NIPAL1: variants seen among roughly 807,000 people sequenced by gnomAD.
The protein encoded by NIPAL1 is NIPA like domain containing 1.
A neutral mutation model predicts 37.7 loss-of-function variants in NIPAL1; 35 were observed. The observed-to-expected ratio is 0.93, with a 90% CI of 0.71 to 1.23. The LOEUF is 1.23. Among genes scored for constraint, NIPAL1 ranks in the 50% most tolerant of loss-of-function variants. NIPAL1 has a pLI of 0.00. For synonymous variants in NIPAL1, 162 were observed against 183.0 expected, an observed-to-expected ratio of 0.89 and a Z score of 0.93; for missense variants, 412 against 473.9, an observed-to-expected ratio of 0.87 and a Z score of 1.21.
At chr4:48,034,598 G>T (rs965605558) in intron 4 of NIPAL1, among the ~76,000 whole-genome samples, 8 of 152,206 alleles carry the variant, frequency 5.3e-5, no homozygotes, top group African/African-American at 1.9e-4. Context: ...TACAGGAAAA[G>T]ATGGGTAAAT....
In NIPAL1 at chr4:48,024,225, C is replaced by T. The variant is rs555841124; in HGVS notation, c.47-843C>T. Among the ~76,000 whole-genome samples the T allele has an allele frequency of 5.9e-5, 9 of 152,162 alleles. No individual in the cohort carries two copies. The East Asian group carries it at 9.7e-4, about 16-fold the overall frequency. On this transcript the variant is annotated intron_variant, in intron 1 of 5. Transcript: ENST00000295461. ...AACTCCTGATCTCAAGTGATCCACC[C>T]GCCTTGGCCACCCAAAGTGCTGGGA... is the stretch of plus-strand genomic sequence containing the variant.
intron 3 of NIPAL1, 32 bp from the exon 4 acceptor site, chr4:48,032,961 T>G (rs1470085540): frequency 6.5e-7 from 1 of 1,531,168 alleles, no homozygotes; most frequent in East Asian, 2.3e-5. Context: ...GTAAGCCCAT[T>G]TTTTATATCA....
Position 48,035,990 on chromosome 4 carries a change from A to G in NIPAL1, c.1051A>G (p.Ile351Val). 1 of 1,613,578 alleles carries G rather than the reference A, an allele frequency of 6.2e-7. No individual in the cohort carries two copies. The highest frequency in any genetic ancestry group is 1.3e-5 in the African/African-American group (1 of 75,012). Reference sequence around the variant, plus strand: ...TGGATTCTTCACTATTATCATTGGCATCTTCCTTCTACATGCTTTTAAAAA... The same window carrying G: ...TGGATTCTTCACTATTATCATTGGCGTCTTCCTTCTACATGCTTTTAAAAA... ...LSGFFTIIIG[I>V]FLLHAFKNTD... Residue 351 changes from isoleucine to valine, a missense_variant, in exon 6 of 6, where the codon ATC (isoleucine) becomes GTC (valine). By Grantham distance (29) the Ile-to-Val change is conservative. Transcript: ENST00000295461.
intron 2 of NIPAL1, among the ~76,000 whole-genome samples, chr4:48,029,785 C>T (rs568751744): frequency 6.6e-6 from 1 of 152,256 alleles, no homozygotes; most frequent in African/African-American, 2.4e-5. Flanking sequence ...CCAACAATTA[C>T]ACTTCTAGGA....
chr4:48,024,150 T>C (rs1182238030), intron 1 of NIPAL1, among the ~76,000 whole-genome samples: 3 of 152,156 alleles, frequency 2.0e-5, no homozygotes, highest in Non-Finnish European at 4.4e-5. Context: ...CGCTAATTTT[T>C]GTATTTTTAG....
At chr4:48,033,173 A>G (rs1292764730) in intron 4 of NIPAL1, 90 bp downstream of exon 4, 2 of 783,670 alleles carry the variant, frequency 2.6e-6, no homozygotes, top group Non-Finnish European at 4.2e-6. Flanking sequence ...ATGGATATCT[A>G]AAAGCAAACA....
At chr4:48,031,309 C>T (rs112019017) in intron 3 of NIPAL1, among the ~76,000 whole-genome samples, 24 of 152,296 alleles carry the variant, frequency 1.6e-4, no homozygotes, top group African/African-American at 4.1e-4. Context: ...AGGTCACCCA[C>T]CTCGGCCTTC....
At chr4:48,019,044 G>A (rs147213911) in intron 1 of NIPAL1, among the ~76,000 whole-genome samples, 4 of 151,954 alleles carry the variant, frequency 2.6e-5, no homozygotes, top group Admixed American at 6.5e-5. Flanking sequence ...TTTTTGAGGC[G>A]GAGTGCCACT....
chr4:48,030,869 A>T (rs1247851328), intron 3 of NIPAL1, among the ~76,000 whole-genome samples: 1 of 152,186 alleles, frequency 6.6e-6, no homozygotes, highest in Non-Finnish European at 1.5e-5. Context: ...TGTAGCCAGG[A>T]GTCTTAAAGC....
At chr4:48,023,713 T>C (rs1311646817) in intron 1 of NIPAL1, among the ~76,000 whole-genome samples, 1 of 152,202 alleles carries the variant, frequency 6.6e-6, no homozygotes, top group Non-Finnish European at 1.5e-5. Flanking sequence ...GTGTTTAGCC[T>C]CAAAATTCCA....
At chr4:48,029,342 T>C (rs1715767059) in intron 2 of NIPAL1, among the ~76,000 whole-genome samples, 1 of 152,184 alleles carries the variant, frequency 6.6e-6, no homozygotes, top group African/African-American at 2.4e-5. Flanking sequence ...AAAAGCTGCA[T>C]GTTCTTACTT....
At chr4:48,021,667 C>T (rs1430650306) in intron 1 of NIPAL1, among the ~76,000 whole-genome samples, 1 of 152,106 alleles carries the variant, frequency 6.6e-6, no homozygotes, top group Non-Finnish European at 1.5e-5. Flanking sequence ...AATCCTGCAG[C>T]CTCATGCATC....
In NIPAL1 at chr4:48,028,190, C is replaced by A. The variant is rs186995217; in HGVS notation, c.314-1930C>A. Among the ~76,000 whole-genome samples the A allele has an allele frequency of 2.6e-4, 39 of 152,154 alleles. 1 individual carries two copies. In the East Asian group the frequency reaches 7.3e-3, roughly 29 times the overall value. ...CCTTCAAATTATACTATAAGGCTAT[C>A]ATAACCAAAACAGCATGGTACTGGT... On this transcript the variant is annotated intron_variant, in intron 2 of 5. Transcript: ENST00000295461.
chr4:48,020,311 A>G (rs1247382446), intron 1 of NIPAL1, among the ~76,000 whole-genome samples: 2 of 152,214 alleles, frequency 1.3e-5, no homozygotes, highest in Non-Finnish European at 2.9e-5. Flanking sequence ...AAAAACCATG[A>G]CAGGGGACAG....
intron 3 of NIPAL1, 54 bp downstream of exon 3, chr4:48,030,230 C>T: frequency 8.9e-7 from 1 of 1,121,732 alleles, no homozygotes; most frequent in Non-Finnish European, 1.4e-6. Flanking sequence ...AAATAGATTA[C>T]ATGAAATTTT....
intron 2 of NIPAL1, among the ~76,000 whole-genome samples, chr4:48,026,873 C>G (rs983188120): frequency 6.6e-5 from 10 of 151,954 alleles, no homozygotes; most frequent in African/African-American, 2.4e-4. Flanking sequence ...CATGCACCAT[C>G]ACGCCCAGCT....
intron 4 of NIPAL1, among the ~76,000 whole-genome samples, chr4:48,034,368 T>C (rs1444246208): frequency 6.6e-6 from 1 of 152,176 alleles, no homozygotes; most frequent in Non-Finnish European, 1.5e-5. Context: ...CTGTATATTA[T>C]GTGTTGCCCA....
In NIPAL1 at chr4:48,035,764, G is replaced by A; in HGVS notation, c.825G>A (p.Leu275=). 1 of 1,614,174 alleles carries A rather than the reference G, an allele frequency of 6.2e-7. No homozygotes were observed. Among genetic ancestry groups the A allele is most frequent in the Non-Finnish European group, 8.5e-7 (1 of 1,180,022 alleles). ...GGAAGCCAGTTTACAAACATCCGCT[G>A]GTCTTTGTTTTGCTGGCTGTACTTG... ...IEWKPVYKHP[L]VFVLLAVLVL... The change falls in exon 6 of 6, where the codon CTG becomes CTA. Residue 275 remains leucine (L), a synonymous_variant. Coordinates refer to ENST00000295461, the MANE Select transcript of NIPAL1 (RefSeq NM_207330.3).
intron 1 of NIPAL1, among the ~76,000 whole-genome samples, chr4:48,018,037 A>G (rs1715484424): frequency 1.3e-5 from 2 of 152,168 alleles, no homozygotes; most frequent in African/African-American, 4.8e-5. Flanking sequence ...AAATGCCTGA[A>G]CAATTCACAA....
Sources: allele counts gnomAD v4.1 joint callset (sites outside exome capture counted in the v4.1 genomes callset), GRCh38; gene constraint gnomAD v4.1.1; transcripts MANE v1.5; gene names NCBI Gene and HGNC (gene_info 2026-07-23, HGNC 2026-07-21).